The following OTOGL variants were observed in gnomAD, a reference collection of about 807,000 sequenced individuals.
The protein encoded by OTOGL is otogelin like, also known as otogelin-like protein.
In OTOGL, 285 loss-of-function variants were observed where a neutral mutation model predicts 318.5. The ratio of observed to expected loss-of-function variants is 0.89; its 90% CI spans 0.81 to 0.99. OTOGL has a LOEUF of 0.99. Ranked by LOEUF, OTOGL falls within the 50% of genes least tolerant of loss-of-function variation. The probability of loss-of-function intolerance (pLI) is 0.00; values close to 1 mark genes in which losing one functional copy is unlikely to be tolerated. For missense variants in OTOGL, 2,899 were observed against 2,845.6 expected, an observed-to-expected ratio of 1.02 and a Z score of -0.43; for synonymous variants, 987 against 936.5, an observed-to-expected ratio of 1.05 and a Z score of -0.99.
At chr12:80,350,946 A>T (rs540380021) in intron 44 of OTOGL, among the ~76,000 whole-genome samples, 1 of 151,938 alleles carries the variant, frequency 6.6e-6, no homozygotes, top group Admixed American at 6.6e-5. Flanking sequence ...TGTTTTCTGT[A>T]CTTTGGGGTT....
intron 37 of OTOGL, among the ~76,000 whole-genome samples, chr12:80,330,548 C>T (rs1355521815): frequency 6.6e-6 from 1 of 152,164 alleles, no homozygotes; most frequent in Non-Finnish European, 1.5e-5. Context: ...CTAAGTATTG[C>T]TCTCTACTTT....
chr12:80,225,960 C>G (rs997326800), intron 7 of OTOGL, among the ~76,000 whole-genome samples: 19 of 151,836 alleles, frequency 1.3e-4, no homozygotes, highest in African/African-American at 4.6e-4. Flanking sequence ...GAATATATGG[C>G]AAAAAATAGC....
At chr12:80,118,073 T>C (rs1870270681) in intron 1 of OTOGL, among the ~76,000 whole-genome samples, 1 of 152,140 alleles carries the variant, frequency 6.6e-6, no homozygotes, top group Non-Finnish European at 1.5e-5. Context: ...ATGTAGACTA[T>C]TTTTTACCTT....
intron 28 of OTOGL, among the ~76,000 whole-genome samples, chr12:80,303,087 A>G (rs1885874618): frequency 6.6e-6 from 1 of 152,196 alleles, no homozygotes; most frequent in Non-Finnish European, 1.5e-5. Flanking sequence ...CAGTTCTTAC[A>G]AACTGCGTTC....
intron 6 of OTOGL, 77 bp from the exon 7 acceptor site, chr12:80,222,014 T>C (rs1878389789): frequency 2.1e-6 from 3 of 1,418,918 alleles, no homozygotes; most frequent in Non-Finnish European, 2.8e-6. Context: ...ATTAGAATCA[T>C]TTACCATGAC....
intron 1 of OTOGL, among the ~76,000 whole-genome samples, chr12:80,118,470 G>A (rs894715546): frequency 1.3e-5 from 2 of 152,084 alleles, no homozygotes; most frequent in Non-Finnish European, 2.9e-5. Context: ...AGGTGAAGTG[G>A]ACCCTGACTC....
intron 1 of OTOGL, among the ~76,000 whole-genome samples, chr12:80,201,520 C>T (rs1407468083): frequency 6.6e-6 from 1 of 152,118 alleles, no homozygotes; most frequent in Non-Finnish European, 1.5e-5. Flanking sequence ...TTCCCCATGA[C>T]CCAAACAATT....
intron 44 of OTOGL, among the ~76,000 whole-genome samples, chr12:80,345,324 C>CTCTCAGAT (rs1889127424): frequency 6.7e-6 from 1 of 150,282 alleles, no homozygotes; most frequent in African/African-American, 2.5e-5. Flanking sequence ...AAGCCTCCAC[C>CTCTCAGAT]TCTCAGATTC....
Position 80,178,221 on chromosome 12 carries a change from C to T in OTOGL, c.-19-31192C>T, listed in dbSNP as rs376734301. 5.5e-4 allele frequency among the ~76,000 whole-genome samples: 84 copies of T among 151,524 alleles called. 1 individual carries two copies. The highest frequency in any genetic ancestry group is 1.3e-3 in the African/African-American group (52 of 41,336). On this transcript the variant is annotated intron_variant, in intron 1 of 58. Transcript: ENST00000547103. Reference sequence around the variant, plus strand: ...GATTACAGACACCTACCACCATGCCCGGCTAATTTTTGTATTTTTAGTAGA... The same window carrying T: ...GATTACAGACACCTACCACCATGCCTGGCTAATTTTTGTATTTTTAGTAGA...
chr12:80,313,659 A>G (rs372627296), intron 31 of OTOGL, 27 bp downstream of exon 31: 17 of 1,572,742 alleles, frequency 1.1e-5, no homozygotes, highest in Non-Finnish European at 1.4e-5. Flanking sequence ...GAACATCATT[A>G]TGTAGAGAAC....
intron 24 of OTOGL, among the ~76,000 whole-genome samples, chr12:80,276,619 A>C (rs1883828947): frequency 6.6e-6 from 1 of 151,586 alleles, no homozygotes; most frequent in Admixed American, 6.6e-5. Context: ...ATAGGAGAAA[A>C]ATTTTCTAGG....
intron 1 of OTOGL, among the ~76,000 whole-genome samples, chr12:80,202,807 G>A (rs1407156403): frequency 6.6e-6 from 1 of 152,090 alleles, no homozygotes; most frequent in Non-Finnish European, 1.5e-5. Flanking sequence ...GGGAACCACC[G>A]CTTGTCTTTG....
chr12:80,259,885 C>G (rs1274638125), intron 18 of OTOGL, among the ~76,000 whole-genome samples: 1 of 152,102 alleles, frequency 6.6e-6, no homozygotes, highest in East Asian at 1.9e-4. Context: ...TTCTCTCCTG[C>G]TCCTCATCTT....
chr12:80,295,157 C>CTTTTTTT (rs66786755), intron 26 of OTOGL, among the ~76,000 whole-genome samples: 5,441 of 98,622 alleles, frequency 0.055, 499 homozygotes, highest in Non-Finnish European at 0.066. Context: ...GATTGCCGAA[C>CTTTTTTT]TTTTTTTTTT....
At chr12:80,308,639 G>C (rs922543595) in intron 29 of OTOGL, among the ~76,000 whole-genome samples, 1 of 152,210 alleles carries the variant, frequency 6.6e-6, no homozygotes, top group East Asian at 1.9e-4. Flanking sequence ...AGGTTGTAGC[G>C]AGCCGAGATC....
rs543758136 is a variant in OTOGL, at chr12:80,346,440, A to C, written c.5265+4278A>C. Among the ~76,000 whole-genome samples the C allele has an allele frequency of 3.3e-5, 5 of 152,314 alleles. No individual in the cohort carries two copies. The South Asian group carries it at 1.0e-3, about 32-fold the overall frequency. The stretch of plus-strand genomic sequence containing the variant: ...CAATTTGCTCAATAGATCTGTATGA[A>C]GGTCTGAAGAAGATAGGCTAGGCAG... On this transcript the variant is annotated intron_variant, in intron 44 of 58. Transcript: ENST00000547103.
chr12:80,127,772 T>G (rs1870950625), intron 1 of OTOGL, among the ~76,000 whole-genome samples: 2 of 152,178 alleles, frequency 1.3e-5, no homozygotes. Flanking sequence ...CTTCTTTATT[T>G]GCTTCATTTC....
chr12:80,104,861 G>A (rs1472717645), intron 1 of OTOGL, among the ~76,000 whole-genome samples: 1 of 152,146 alleles, frequency 6.6e-6, no homozygotes, highest in Non-Finnish European at 1.5e-5. Context: ...TTGGAAGGCT[G>A]AGCCGGGCAG....
intron 1 of OTOGL, among the ~76,000 whole-genome samples, chr12:80,197,852 G>A (rs1273544879): frequency 6.6e-6 from 1 of 152,194 alleles, no homozygotes; most frequent in Admixed American, 6.5e-5. Context: ...CCTCACTGGG[G>A]ACTCTATCGT....
Sources: allele counts gnomAD v4.1 joint callset (sites outside exome capture counted in the v4.1 genomes callset), GRCh38; gene constraint gnomAD v4.1.1; transcripts MANE v1.5; gene names NCBI Gene and HGNC (gene_info 2026-07-23, HGNC 2026-07-21).